The following UGT1A7 variants were observed in gnomAD, a reference collection of about 807,000 sequenced individuals.
The protein encoded by UGT1A7 is UDP-glucuronosyltransferase 1A7.
A neutral mutation model predicts 45.6 loss-of-function variants in UGT1A7; 33 were observed. The observed-to-expected ratio is 0.72, with a 90% confidence interval of 0.55 to 0.97. The LOEUF is 0.97. Among genes scored for constraint, UGT1A7 ranks in the 50% least tolerant of loss-of-function variants. UGT1A7 has a pLI of 0.00. For missense variants in UGT1A7, 684 were observed against 666.2 expected, an observed-to-expected ratio of 1.03 and a Z score of -0.29; for synonymous variants, 274 against 250.6, an observed-to-expected ratio of 1.09 and a Z score of -0.88.
At chr2:233,731,424 A>G (rs1264349452) in intron 1 of UGT1A7, among the ~76,000 whole-genome samples, 1 of 151,642 alleles carries the variant, frequency 6.6e-6, no homozygotes, top group East Asian at 1.9e-4. Context: ...TCCTAATGCC[A>G]TCCCTCCCCC....
chr2:233,768,495 T>C (rs1699626018), intron 4 of UGT1A7, 56 bp downstream of exon 4: 19 of 1,573,996 alleles, frequency 1.2e-5, no homozygotes, highest in Non-Finnish European at 1.5e-5. Flanking sequence ...ATAAAATTGT[T>C]TCAAATATGA....
chr2:233,704,079 C>G lies in UGT1A7; in HGVS notation c.855+21287C>G, dbSNP rs1447811434. Reference sequence around the variant, plus strand: ...CTAATTTTTGTATTTTTTATAGAGACAGAGTTTTGCCATGTTGGTCAGTCT... The same window carrying G: ...CTAATTTTTGTATTTTTTATAGAGAGAGAGTTTTGCCATGTTGGTCAGTCT... On this transcript the variant is annotated intron_variant, in intron 1 of 4. Transcript: ENST00000373426. Among the ~76,000 whole-genome samples, 10 of 151,988 alleles carry G rather than the reference C, an allele frequency of 6.6e-5. No individual in the cohort carries two copies. In the East Asian group the frequency reaches 1.9e-3, roughly 29 times the overall value.
intron 1 of UGT1A7, among the ~76,000 whole-genome samples, chr2:233,684,334 A>T (rs2074675170): frequency 6.6e-6 from 1 of 152,198 alleles, no homozygotes; most frequent in Admixed American, 6.5e-5. Flanking sequence ...GGACGCTAAG[A>T]GGATAGACTT....
rs149243985 is a variant in UGT1A7, at chr2:233,751,326, T to A, written c.856-15708T>A. ...ATTTACCCAATTTCTGTACCCCCAT[T>A]GTGTCTTGGAAGTTACTTTTGATTT... On this transcript the variant is annotated intron_variant, in intron 1 of 4. Coordinates refer to ENST00000373426, the MANE Select transcript of UGT1A7 (RefSeq NM_019077.3). Among the ~76,000 whole-genome samples the A allele has an allele frequency of 2.6e-5, 4 of 152,018 alleles. No homozygotes were observed. The East Asian group carries it at 5.8e-4, about 22-fold the overall frequency.
intron 1 of UGT1A7, among the ~76,000 whole-genome samples, chr2:233,694,304 G>GTT (rs35761222): frequency 6.9e-5 from 10 of 145,480 alleles, no homozygotes; most frequent in East Asian, 2.0e-4. Flanking sequence ...CCTGTTTTTT[G>GTT]TTTTTTTTTT....
chr2:233,718,962 T>G (rs2011425), intron 1 of UGT1A7: 152,197 of 1,614,090 alleles, frequency 0.094, 8,216 homozygotes, highest in South Asian at 0.19. Context: ...GCGGGAGGCC[T>G]TGCGGGAGCT....
intron 1 of UGT1A7, chr2:233,740,704 A>G (rs1042428979): frequency 6.6e-6 from 1 of 151,780 alleles, no homozygotes; most frequent in African/African-American, 2.4e-5. Context: ...AGGGATTTCA[A>G]GAGGGTCATC....
intron 1 of UGT1A7, among the ~76,000 whole-genome samples, chr2:233,758,930 C>T (rs1427100702): frequency 6.6e-6 from 1 of 152,236 alleles, no homozygotes; most frequent in Non-Finnish European, 1.5e-5. Context: ...TCCCTTTTGA[C>T]TTCAAATCAG....
At chr2:233,722,458 CTG>C (rs1559367331) in intron 1 of UGT1A7, among the ~76,000 whole-genome samples, 1 of 152,186 alleles carries the variant, frequency 6.6e-6, no homozygotes, top group South Asian at 2.1e-4. Flanking sequence ...AAAGAAATAA[CTG>C]TGGAATTTGT....
intron 1 of UGT1A7, chr2:233,693,561 CA>C: frequency 6.2e-7 from 1 of 1,614,208 alleles, no homozygotes; most frequent in African/African-American, 1.3e-5. Context: ...AGCAGAAGCC[CA>C]GACCCTGTGT....
intron 1 of UGT1A7, among the ~76,000 whole-genome samples, chr2:233,751,504 G>A (rs879429871): frequency 1.3e-5 from 2 of 152,170 alleles, no homozygotes; most frequent in Non-Finnish European, 2.9e-5. Flanking sequence ...ATTTGGGAGG[G>A]GCCAGAGGGC....
chr2:233,713,180 G>A (rs771375365), intron 1 of UGT1A7: 21 of 1,614,082 alleles, frequency 1.3e-5, no homozygotes, highest in South Asian at 8.8e-5. Context: ...TCCTCACCCT[G>A]GAGGTGAATA....
chr2:233,751,259 G>T (rs1355908720), intron 1 of UGT1A7, among the ~76,000 whole-genome samples: 1 of 151,926 alleles, frequency 6.6e-6, no homozygotes, highest in Non-Finnish European at 1.5e-5. Context: ...GGGGCCTGTA[G>T]CCCCCTTTTT....
chr2:233,766,327 G>A (rs373926451), intron 1 of UGT1A7, among the ~76,000 whole-genome samples: 29 of 152,248 alleles, frequency 1.9e-4, no homozygotes, highest in East Asian at 9.7e-4. Context: ...CAAACTCCGC[G>A]TTGTTCTGCT....
Position 233,681,934 on chromosome 2 carries a change from T to A in UGT1A7, c.-4T>A. The A allele has an allele frequency of 6.2e-7, 1 of 1,611,342 alleles. No homozygotes were observed. On this transcript the variant is annotated 5_prime_UTR_variant, in exon 1 of 5. Transcript: ENST00000373426. The stretch of plus-strand genomic sequence containing the variant: ...AGCTGCTGGCTCTGGGCTGAAGTTC[T>A]CTGATGGCTCGTGCAGGGTGGACTG...
At chr2:233,742,134 C>A (rs1691883024) in intron 1 of UGT1A7, among the ~76,000 whole-genome samples, 1 of 151,870 alleles carries the variant, frequency 6.6e-6, no homozygotes, top group South Asian at 2.1e-4. Context: ...AGACCCTAAC[C>A]CAGCAGCGCT....
At chr2:233,717,557 A>T (rs1319791307) in intron 1 of UGT1A7, among the ~76,000 whole-genome samples, 2 of 152,230 alleles carry the variant, frequency 1.3e-5, no homozygotes, top group Non-Finnish European at 2.9e-5. Flanking sequence ...CAGCAATGGC[A>T]GACATGGCCA....
chr2:233,739,706 G>A (rs760194207), intron 1 of UGT1A7, among the ~76,000 whole-genome samples: 1 of 152,190 alleles, frequency 6.6e-6, no homozygotes, highest in Non-Finnish European at 1.5e-5. Context: ...ACAGGCTCAT[G>A]GGGGAAGGGA....
intron 1 of UGT1A7, among the ~76,000 whole-genome samples, chr2:233,738,028 A>G (rs1242649039): frequency 6.6e-6 from 1 of 151,924 alleles, no homozygotes; most frequent in Non-Finnish European, 1.5e-5. Context: ...TAATCCCCAT[A>G]ATCCCCACGT....
Sources: allele counts gnomAD v4.1 joint callset (sites outside exome capture counted in the v4.1 genomes callset), GRCh38; gene constraint gnomAD v4.1.1; transcripts MANE v1.5; gene names NCBI Gene and HGNC (gene_info 2026-07-23, HGNC 2026-07-21).